FNBP1: variants seen among roughly 807,000 people sequenced by gnomAD.
FNBP1 encodes the protein formin binding protein 1.
A neutral mutation model predicts 90.6 loss-of-function variants in FNBP1; 26 were observed. That is an observed-to-expected ratio of 0.29 (90% CI 0.21 to 0.40). FNBP1 has a LOEUF of 0.40. Ranked by LOEUF, FNBP1 falls within the 10% of genes least tolerant of loss-of-function variation. FNBP1 has a pLI of 1.00. For synonymous variants in FNBP1, 260 were observed against 265.2 expected (o/e 0.98, Z 0.19); for missense variants, 635 against 768.0 (o/e 0.83, Z 2.05).
chr9:129,894,374 T>C (rs2035431532), intron 16 of FNBP1, among the ~76,000 whole-genome samples: 1 of 152,192 alleles, frequency 6.6e-6, no homozygotes, highest in Non-Finnish European at 1.5e-5. Flanking sequence ...TTCCTTTCGA[T>C]GTGGTGAGAC....
chr9:129,931,887 GA>G (rs1339013935), intron 6 of FNBP1, among the ~76,000 whole-genome samples: 1 of 151,296 alleles, frequency 6.6e-6, no homozygotes, highest in South Asian at 2.1e-4. Context: ...GAAAAAGACA[GA>G]AAAGAAGAAA....
intron 15 of FNBP1, among the ~76,000 whole-genome samples, chr9:129,896,545 G>A (rs768792580): frequency 2.6e-5 from 4 of 152,078 alleles, no homozygotes; most frequent in Non-Finnish European, 4.4e-5. Context: ...CACCACACCC[G>A]GCTAACCTTT....
At chr9:129,947,526 T>C (rs1039721470) in intron 6 of FNBP1, among the ~76,000 whole-genome samples, 30 of 151,954 alleles carry the variant, frequency 2.0e-4, no homozygotes, top group African/African-American at 7.0e-4. Flanking sequence ...CTGGCATCTA[T>C]ACCCGCATAC....
chr9:129,911,718 G>C (rs1191752285), intron 11 of FNBP1, among the ~76,000 whole-genome samples: 3 of 151,962 alleles, frequency 2.0e-5, no homozygotes, highest in South Asian at 2.1e-4. Flanking sequence ...AGATCAAAAG[G>C]TCAGGAGCTC....
chr9:129,912,407 G>A (rs2039456962), intron 11 of FNBP1, among the ~76,000 whole-genome samples: 1 of 152,144 alleles, frequency 6.6e-6, no homozygotes, highest in African/African-American at 2.4e-5. Flanking sequence ...AGGAAATCTA[G>A]GCCAGGCGCG....
intron 1 of FNBP1, among the ~76,000 whole-genome samples, chr9:130,007,433 G>A (rs1402076483): frequency 6.6e-6 from 1 of 152,026 alleles, no homozygotes. Flanking sequence ...GCGGTGCTCT[G>A]AGCCAAATGT....
At chr9:129,922,181 T>C (rs2131843231) in intron 10 of FNBP1, among the ~76,000 whole-genome samples, 1 of 152,342 alleles carries the variant, frequency 6.6e-6, no homozygotes, top group South Asian at 2.1e-4. Context: ...AAAAGATATT[T>C]TGGGAAGGCT....
chr9:130,052,398 C>A, the FNBP1 span, among the ~76,000 whole-genome samples: 2 of 152,062 alleles, frequency 1.3e-5, no homozygotes, highest in South Asian at 4.1e-4. Context: ...AATGTTTCAT[C>A]ACTATTGTAT....
chr9:129,896,992 C>T (rs1384632132), intron 15 of FNBP1, among the ~76,000 whole-genome samples: 1 of 152,222 alleles, frequency 6.6e-6, no homozygotes, highest in Non-Finnish European at 1.5e-5. Context: ...TTTCTGCAGC[C>T]AAGATTCCAC....
intron 15 of FNBP1, among the ~76,000 whole-genome samples, chr9:129,896,810 T>C (rs1443715407): frequency 6.6e-6 from 1 of 152,198 alleles, no homozygotes; most frequent in Non-Finnish European, 1.5e-5. Flanking sequence ...TTTGTATTTT[T>C]AGTAGAGACG....
At chr9:129,986,006 T>G (rs1401517792) in intron 2 of FNBP1, among the ~76,000 whole-genome samples, 1 of 140,802 alleles carries the variant, frequency 7.1e-6, no homozygotes, top group African/African-American at 2.6e-5. Flanking sequence ...TGTGGTGGTG[T>G]GTGCCTGTAA....
At chr9:130,050,788 G>A in the FNBP1 span, among the ~76,000 whole-genome samples, 1 of 149,756 alleles carries the variant, frequency 6.7e-6, no homozygotes, top group African/African-American at 2.5e-5. Flanking sequence ...CTACAGGTGC[G>A]TGTCACCATG....
At chr9:129,991,255 T>C (rs2102209) in intron 2 of FNBP1, among the ~76,000 whole-genome samples, 128,920 of 151,258 alleles carry the variant, frequency 0.85, 55,234 homozygotes, top group East Asian at 0.89. Flanking sequence ...TGGAGGAAAA[T>C]CTAGGTCGTG....
chr9:129,932,183 C>G (rs959625874), intron 6 of FNBP1, among the ~76,000 whole-genome samples: 1 of 151,292 alleles, frequency 6.6e-6, no homozygotes, highest in Non-Finnish European at 1.5e-5. Flanking sequence ...TGCACTCCAG[C>G]CTGGGCGACT....
chr9:129,958,920 C>A (rs1468232507), intron 4 of FNBP1, among the ~76,000 whole-genome samples: 1 of 126,942 alleles, frequency 7.9e-6, no homozygotes, highest in African/African-American at 2.9e-5. Flanking sequence ...GAGGTTGACA[C>A]TGCCACATTG....
At chr9:129,910,897 A>T (rs1307328927) in intron 11 of FNBP1, among the ~76,000 whole-genome samples, 3 of 152,308 alleles carry the variant, frequency 2.0e-5, no homozygotes, top group South Asian at 4.1e-4. Flanking sequence ...GAGTGAAACC[A>T]GAATGGAAGT....
rs865798646 is a variant in FNBP1, at chr9:129,963,615, C to G, written c.346-5062G>C. Reference sequence around the variant, plus strand: ...TGATGCCCATCTTCCTTCCTTCCAGCCTTTTTTTTTTTTTTTTTTAAAAAA... The same window carrying G: ...TGATGCCCATCTTCCTTCCTTCCAGGCTTTTTTTTTTTTTTTTTTAAAAAA... On this transcript the variant is annotated intron_variant, in intron 4 of 16. Coordinates refer to ENST00000446176, the MANE Select transcript of FNBP1 (RefSeq NM_015033.3). Among the ~76,000 whole-genome samples the G allele has an allele frequency of 2.1e-3, 81 of 39,210 alleles. 1 individual carries two copies. The highest frequency in any genetic ancestry group is 5.9e-3 in the African/African-American group (76 of 12,896). The allele number at this position is 39,210 out of a possible 152,430, so 25.7% of individuals were successfully genotyped here.
chr9:129,927,171 T>C, intron 8 of FNBP1, 24 bp downstream of exon 8: 1 of 1,611,314 alleles, frequency 6.2e-7, no homozygotes, highest in Non-Finnish European at 8.5e-7. Flanking sequence ...TAGTTATCAA[T>C]GAAGTCCAAA....
At chr9:130,038,719 G>C (rs2059570544) in intron 1 of FNBP1, among the ~76,000 whole-genome samples, 1 of 152,020 alleles carries the variant, frequency 6.6e-6, no homozygotes, top group Non-Finnish European at 1.5e-5. Context: ...TTCTTACTAT[G>C]CTAACCAATA....
Sources: allele counts gnomAD v4.1 joint callset (sites outside exome capture counted in the v4.1 genomes callset), GRCh38; gene constraint gnomAD v4.1.1; transcripts MANE v1.5; gene names NCBI Gene and HGNC (gene_info 2026-07-23, HGNC 2026-07-21).